Variants in GDE1 observed in about 807,000 individuals in gnomAD.
The protein encoded by GDE1 is glycerophosphodiester phosphodiesterase 1.
In GDE1, 24 loss-of-function variants were observed where a neutral mutation model predicts 32.2. That is an observed-to-expected ratio of 0.75 (90% CI 0.54 to 1.05). The LOEUF (loss-of-function observed/expected upper bound fraction) is 1.05. GDE1 is among the 50% of genes least tolerant of loss of function. The probability of loss-of-function intolerance (pLI) is 0.00; values close to 1 mark genes in which losing one functional copy is unlikely to be tolerated. For synonymous variants in GDE1, 159 were observed against 158.6 expected, an observed-to-expected ratio of 1.00 and a Z score of -0.02; for missense variants, 380 against 415.0, an observed-to-expected ratio of 0.92 and a Z score of 0.73.
intron 4 of GDE1, among the ~76,000 whole-genome samples, chr16:19,506,935 A>T (rs1236733326): frequency 6.6e-6 from 1 of 151,966 alleles, no homozygotes; most frequent in Non-Finnish European, 1.5e-5. Context: ...GGAGTTGGAG[A>T]ACTGCCTGGG....
At position 19,517,129 on chromosome 16, in the gene GDE1, G is replaced by A. The variant is rs1167625616; in HGVS notation, c.322C>T (p.Pro108Ser). 1.9e-6 allele frequency: 3 copies of A among 1,613,582 alleles called. No homozygotes were observed. Among genetic ancestry groups the A allele is most frequent in the Non-Finnish European group, 1.7e-6 (2 of 1,179,604 alleles). ...LDIEFTSDGI[P>S]VLMHDNTVDR... ...ACTGTGTTATCGTGCATTAAGACAG[G>A]AATCCCGTCAGAAGTAAACTCAATG... The change falls in exon 2 of 6, where the codon CCT (proline) becomes TCT (serine). Residue 108 changes from proline (P) to serine (S), a missense_variant. Transcript: ENST00000353258.
At chr16:19,506,301 C>T (rs758626969) in intron 4 of GDE1, among the ~76,000 whole-genome samples, 1 of 151,908 alleles carries the variant, frequency 6.6e-6, no homozygotes, top group Non-Finnish European at 1.5e-5. Flanking sequence ...AGGACCCCCC[C>T]CAAAACAAAC....
Position 19,505,010 on chromosome 16 carries a change from C to G in GDE1, c.719G>C (p.Arg240Pro). 1 of 1,612,416 alleles carries G rather than the reference C, an allele frequency of 6.2e-7. No homozygotes were observed. Among genetic ancestry groups the G allele is most frequent in the Non-Finnish European group, 8.5e-7 (1 of 1,178,410 alleles). Residue 240 changes from arginine (R) to proline (P), a missense_variant, in exon 5 of 6, where the codon CGC becomes CCC. Arg to Pro is a moderately radical substitution (Grantham distance 103). Coordinates refer to ENST00000353258, the MANE Select transcript of GDE1 (RefSeq NM_016641.4). The stretch of plus-strand genomic sequence containing the variant: ...AAAATGTTTCCAGAAAGTATCATAG[C>G]GTGGTTTCCCATCTCCTGTATGGCT... ...SLSHTGDGKP[R>P]YDTFWKHFIF...
At position 19,503,545 on chromosome 16, in the gene GDE1, CTT is replaced by C. The variant is rs747146882; in HGVS notation, c.919_920del (p.Lys307GlufsTer14). The C allele has an allele frequency of 3.8e-4, 620 of 1,613,250 alleles. No individual in the cohort carries two copies. Among genetic ancestry groups the C allele is most frequent in the Non-Finnish European group, 5.1e-4 (596 of 1,179,308 alleles). On this transcript the variant is annotated frameshift_variant, in exon 6 of 6. Coordinates refer to ENST00000353258, the MANE Select transcript of GDE1 (RefSeq NM_016641.4). LOFTEE classifies it high-confidence loss of function. ...VGWTVNTFDE[K>X]SYYESHLGSS... ...AACCAAGATGGGATTCGTAGTAACTCTTTTCATCAAAGGTATTAACAGTCCAA... is the reference window on the plus strand; with the variant it reads ...AACCAAGATGGGATTCGTAGTAACTCTTCATCAAAGGTATTAACAGTCCAA...
chr16:19,519,282 G>C (rs1969419066), intron 1 of GDE1, among the ~76,000 whole-genome samples: 1 of 151,996 alleles, frequency 6.6e-6, no homozygotes, highest in South Asian at 2.1e-4. Context: ...TGAAAGACAG[G>C]GAAAGATTCC....
chr16:19,517,135 C>A lies in GDE1; in HGVS notation c.316G>T (p.Gly106Trp), dbSNP rs370947471. Residue 106 changes from glycine (G) to tryptophan (W), a missense_variant, in exon 2 of 6, where the codon GGG (glycine) becomes TGG (tryptophan). By Grantham distance (184) the Gly-to-Trp change is radical. Coordinates refer to ENST00000353258, the MANE Select transcript of GDE1 (RefSeq NM_016641.4). ...TTATCGTGCATTAAGACAGGAATCC[C>A]GTCAGAAGTAAACTCAATGTCCAAC... Reference protein sequence around the residue: ...VELDIEFTSDGIPVLMHDNTV... With the variant: ...VELDIEFTSDWIPVLMHDNTV... 6.2e-6 allele frequency: 10 copies of A among 1,613,750 alleles called. No homozygotes were observed. In the African/African-American group the frequency reaches 1.1e-4, roughly 17 times the overall value.
At chr16:19,506,294 A>AC (rs35194059) in intron 4 of GDE1, among the ~76,000 whole-genome samples, 23,929 of 150,148 alleles carry the variant, frequency 0.16, 2,760 homozygotes, top group East Asian at 0.39. Flanking sequence ...CAAAACAAGG[A>AC]CCCCCCCCAA....
intron 4 of GDE1, 48 bp from the exon 5 acceptor site, chr16:19,505,140 AAT>A (rs1214794649): frequency 7.9e-7 from 1 of 1,273,256 alleles, no homozygotes; most frequent in South Asian, 1.2e-5. Context: ...TGTAAAGTTG[AAT>A]ACTTATTAGT....
chr16:19,517,511 T>TA (rs1170982088), intron 1 of GDE1, among the ~76,000 whole-genome samples: 3 of 152,240 alleles, frequency 2.0e-5, no homozygotes, highest in East Asian at 1.9e-4. Flanking sequence ...TATGAATACT[T>TA]AGACAATTCC....
intron 4 of GDE1, among the ~76,000 whole-genome samples, chr16:19,506,189 A>G (rs1969243798): frequency 6.6e-6 from 1 of 152,200 alleles, no homozygotes; most frequent in African/African-American, 2.4e-5. Context: ...TAGAAAATAA[A>G]GAGAAAAAAA....
rs1191727897 is a variant in GDE1 at position 19,502,105 on chromosome 16, G to A, written c.*1365C>T. ...TTCAAATTGGAAAGAGCAGTTTGGG[G>A]TCATGGGCTCAACAATATAAAGGCA... On this transcript the variant is annotated 3_prime_UTR_variant, in exon 6 of 6. Transcript: ENST00000353258. 6.6e-6 allele frequency: 1 copy of A among 152,166 alleles called. No homozygotes were observed. The highest frequency in any genetic ancestry group is 1.5e-5 in the Non-Finnish European group (1 of 68,034). The allele number at this position is 152,166 out of a possible 1,614,324, so 9.4% of individuals were successfully genotyped here. A position where few individuals can be genotyped will look rare whatever the true frequency, so the allele number is the denominator to read the frequency against.
At position 19,505,051 on chromosome 16, in the gene GDE1, G is replaced by GT; in HGVS notation, c.677dup (p.His226GlnfsTer17). On this transcript the variant is annotated frameshift_variant, in exon 5 of 6. Coordinates refer to ENST00000353258, the MANE Select transcript of GDE1 (RefSeq NM_016641.4). LOFTEE classifies it high-confidence loss of function. The stretch of plus-strand genomic sequence containing the variant: ...CTGTATGGCTTAGGCTCCAAGGTCT[G>GT]TGAGTTAATGCTGTTATTACATCCC... 1 of 1,612,942 alleles carries GT rather than the reference G, an allele frequency of 6.2e-7. No homozygotes were observed. The highest frequency in any genetic ancestry group is 8.5e-7 in the Non-Finnish European group (1 of 1,178,890).
In GDE1 at chr16:19,521,882, G is replaced by A; in HGVS notation, c.83C>T (p.Pro28Leu). 1 of 1,603,164 alleles carries A rather than the reference G, an allele frequency of 6.2e-7. No homozygotes were observed. Among genetic ancestry groups the A allele is most frequent in the Non-Finnish European group, 8.5e-7 (1 of 1,175,956 alleles). Reference protein sequence around the residue: ...LLVLLLVTRSPVNACLLTGSL... With the variant: ...LLVLLLVTRSLVNACLLTGSL... ...GCCGGTGAGGAGGCAGGCATTGACC[G>A]GGCTCCGCGTCACCAGCAGCAGCAC... The change falls in exon 1 of 6, where the codon CCG becomes CTG. Residue 28 changes from proline to leucine, a missense_variant. Transcript: ENST00000353258.
intron 2 of GDE1, among the ~76,000 whole-genome samples, chr16:19,513,928 A>C (rs1166307978): frequency 1.3e-5 from 2 of 152,224 alleles, no homozygotes; most frequent in Non-Finnish European, 2.9e-5. Context: ...GTGGTGCCCA[A>C]GACATTTTTA....
rs958375578 is a variant in GDE1 at position 19,521,907 on chromosome 16, C to A, written c.58G>T (p.Val20Leu). The change falls in exon 1 of 6, where the codon GTG (valine) becomes TTG (leucine). Residue 20 changes from valine (V) to leucine (L), a missense_variant. Physicochemically the swap from Val to Leu is conservative, Grantham distance 32. Transcript: ENST00000353258. The stretch of plus-strand genomic sequence containing the variant: ...GGGCTCCGCGTCACCAGCAGCAGCA[C>A]TAGCAGCAGGAAGGAGAAAGGGCCC... ...LLGPFSFLLL[V>L]LLLVTRSPVN... 6.3e-7 allele frequency: 1 copy of A among 1,596,078 alleles called. No homozygotes were observed. The highest frequency in any genetic ancestry group is 1.3e-5 in the African/African-American group (1 of 74,770).
chr16:19,503,298 ATGG>A lies in GDE1; in HGVS notation c.*169_*171del, dbSNP rs1969201910. On this transcript the variant is annotated 3_prime_UTR_variant, in exon 6 of 6. Coordinates refer to ENST00000353258, the MANE Select transcript of GDE1 (RefSeq NM_016641.4). ...GTTGAACTCTGGCATGCCATGGTGCATGGTGGCAACACCGGGTTTAGCTTTGGT... is the reference window on the plus strand; with the variant it reads ...GTTGAACTCTGGCATGCCATGGTGCATGGCAACACCGGGTTTAGCTTTGGT... The A allele has an allele frequency of 1.3e-5, 8 of 622,532 alleles. No individual in the cohort carries two copies. The highest frequency in any genetic ancestry group is 2.2e-5 in the Non-Finnish European group (8 of 357,380). 38.6% of individuals were successfully genotyped at this position (622,532 alleles called of 1,614,324 possible).
chr16:19,513,449 C>T lies in GDE1; in HGVS notation c.438-2505G>A, dbSNP rs572054471. Reference sequence around the variant, plus strand: ...TATAGACATGCTACTGATTTTTGTACGTTGATTTTATATCCTGCAATTTTA... The same window carrying T: ...TATAGACATGCTACTGATTTTTGTATGTTGATTTTATATCCTGCAATTTTA... On this transcript the variant is annotated intron_variant, in intron 2 of 5. Transcript: ENST00000353258. 5.9e-5 allele frequency among the ~76,000 whole-genome samples: 9 copies of T among 152,012 alleles called. 1 individual carries two copies. In the East Asian group the frequency reaches 1.4e-3, roughly 23 times the overall value.
rs1233113204 is a variant in GDE1, at chr16:19,517,110, T to TTA, written c.339_340dup (p.Asn114IlefsTer4). The TTA allele has an allele frequency of 1.2e-6, 2 of 1,613,792 alleles. No homozygotes were observed. Among genetic ancestry groups the TTA allele is most frequent in the Non-Finnish European group, 1.7e-6 (2 of 1,179,636 alleles). On this transcript the variant is annotated frameshift_variant, in exon 2 of 6. Coordinates refer to ENST00000353258, the MANE Select transcript of GDE1 (RefSeq NM_016641.4). LOFTEE classifies it high-confidence loss of function. The stretch of plus-strand genomic sequence containing the variant: ...CCCATCAGTCGTCCTATCTACTGTG[T>TTA]TATCGTGCATTAAGACAGGAATCCC...
intron 1 of GDE1, among the ~76,000 whole-genome samples, chr16:19,519,279 C>T (rs1969418996): frequency 6.6e-6 from 1 of 152,022 alleles, no homozygotes; most frequent in Non-Finnish European, 1.5e-5. Context: ...ATTTGAAAGA[C>T]AGGGAAAGAT....
Sources: gnomAD v4.1 joint callset for allele counts (sites outside exome capture counted in the v4.1 genomes callset) on GRCh38, gnomAD v4.1.1 for gene constraint, MANE v1.5 for transcripts, NCBI Gene and HGNC (gene_info 2026-07-23, HGNC 2026-07-21) for gene names.